The following PRELID2 variants were observed in gnomAD, a reference collection of about 807,000 sequenced individuals.
PRELID2 encodes PRELI domain-containing protein 2.
A neutral mutation model predicts 28.4 loss-of-function variants in PRELID2; 25 were observed. The observed-to-expected ratio is 0.88, with a 90% CI of 0.64 to 1.23. The LOEUF (loss-of-function observed/expected upper bound fraction) is 1.23. Among genes scored for constraint, PRELID2 ranks in the 50% most tolerant of loss-of-function variants. PRELID2 has a pLI of 0.00. For synonymous variants in PRELID2, 76 were observed against 71.6 expected (o/e 1.06, Z -0.31); for missense variants, 201 against 214.4 (o/e 0.94, Z 0.39).
the PRELID2 span, among the ~76,000 whole-genome samples, chr5:145,340,995 G>A: frequency 6.6e-6 from 1 of 151,518 alleles, no homozygotes; most frequent in Admixed American, 6.6e-5. Context: ...TAACACTGAG[G>A]CTGTTGACAG....
intron 4 of PRELID2, among the ~76,000 whole-genome samples, chr5:145,803,735 TAA>T (rs11368542): frequency 4.5e-5 from 6 of 134,696 alleles, no homozygotes; most frequent in Admixed American, 7.4e-5. Flanking sequence ...CAATTTAAAG[TAA>T]AAAAAAAAAA....
the PRELID2 span, among the ~76,000 whole-genome samples, chr5:145,401,008 C>T: frequency 6.6e-6 from 1 of 152,084 alleles, no homozygotes; most frequent in Non-Finnish European, 1.5e-5. Flanking sequence ...CAGCCTCCCT[C>T]CCACCACTTA....
the PRELID2 span, among the ~76,000 whole-genome samples, chr5:145,252,330 T>C: frequency 6.6e-6 from 1 of 152,112 alleles, no homozygotes; most frequent in Non-Finnish European, 1.5e-5. Context: ...AAATAACAAA[T>C]ATTCCAGGTA....
chr5:145,528,297 T>C (rs2126657973), intron 1 of PRELID2, among the ~76,000 whole-genome samples: 1 of 152,304 alleles, frequency 6.6e-6, no homozygotes, highest in Non-Finnish European at 1.5e-5. Flanking sequence ...TTGATTTTGC[T>C]CTTCGTAGTA....
At chr5:145,473,439 T>G (rs1752071306) in intron 1 of PRELID2, 1 of 152,190 alleles carries the variant, frequency 6.6e-6, no homozygotes, top group African/African-American at 2.4e-5. Context: ...CATCATCTTA[T>G]TATTATACGG....
intron 1 of PRELID2, among the ~76,000 whole-genome samples, chr5:145,499,701 C>G (rs1752341338): frequency 6.6e-6 from 1 of 152,186 alleles, no homozygotes; most frequent in Non-Finnish European, 1.5e-5. Context: ...TGCAAGGGAT[C>G]ATCAAGTACC....
intron 1 of PRELID2, among the ~76,000 whole-genome samples, chr5:145,681,069 G>A (rs73302027): frequency 0.062 from 9,373 of 152,248 alleles, 906 homozygotes; most frequent in African/African-American, 0.21. Flanking sequence ...TGCTTCGGCA[G>A]TGGCCTCTTC....
intron 1 of PRELID2, among the ~76,000 whole-genome samples, chr5:145,484,135 T>C (rs1435594067): frequency 6.6e-6 from 1 of 152,204 alleles, no homozygotes; most frequent in African/African-American, 2.4e-5. Flanking sequence ...ATTCTCGGAA[T>C]TCAGAGGCAG....
intron 1 of PRELID2, among the ~76,000 whole-genome samples, chr5:145,587,040 C>A (rs1002692997): frequency 6.6e-6 from 1 of 152,088 alleles, no homozygotes; most frequent in African/African-American, 2.4e-5. Context: ...TGCCAAGAGT[C>A]TATCTGGCCT....
intron 4 of PRELID2, among the ~76,000 whole-genome samples, chr5:145,814,579 G>T (rs1202912117): frequency 6.6e-6 from 1 of 152,148 alleles, no homozygotes; most frequent in African/African-American, 2.4e-5. Flanking sequence ...GAGCAGTAAT[G>T]ATCTGGACAA....
At chr5:145,649,427 A>G (rs551506188) in intron 1 of PRELID2, among the ~76,000 whole-genome samples, 1 of 152,322 alleles carries the variant, frequency 6.6e-6, no homozygotes, top group East Asian at 1.9e-4. Flanking sequence ...AGCTAATGTT[A>G]AGTGTTCTAA....
At chr5:145,414,507 G>C in the PRELID2 span, among the ~76,000 whole-genome samples, 9 of 152,152 alleles carry the variant, frequency 5.9e-5, no homozygotes. Flanking sequence ...CTCAGTCTGT[G>C]AAGACAGAAC....
chr5:145,506,337 G>A (rs945408206), intron 1 of PRELID2, among the ~76,000 whole-genome samples: 3 of 152,140 alleles, frequency 2.0e-5, no homozygotes, highest in South Asian at 2.1e-4. Flanking sequence ...ACCACTCCCC[G>A]AATGAGTAGC....
At chr5:145,618,286 C>G (rs903296123) in intron 1 of PRELID2, among the ~76,000 whole-genome samples, 1 of 152,142 alleles carries the variant, frequency 6.6e-6, no homozygotes, top group African/African-American at 2.4e-5. Context: ...AGTTGGTTTT[C>G]TGGTTCCTTC....
the PRELID2 span, among the ~76,000 whole-genome samples, chr5:145,371,680 G>A: frequency 6.6e-6 from 1 of 151,856 alleles, no homozygotes; most frequent in Non-Finnish European, 1.5e-5. Flanking sequence ...AGTTTCAGAA[G>A]GAATGGTACC....
the PRELID2 span, among the ~76,000 whole-genome samples, chr5:145,352,462 C>A: frequency 6.6e-6 from 1 of 152,128 alleles, no homozygotes; most frequent in Non-Finnish European, 1.5e-5. Flanking sequence ...ACACAGGACA[C>A]CATGTCCCGA....
the PRELID2 span, among the ~76,000 whole-genome samples, chr5:145,307,642 C>T: frequency 2.9e-4 from 44 of 152,052 alleles, no homozygotes; most frequent in Non-Finnish European, 4.9e-4. Context: ...CATTTGAGGT[C>T]GAGTATTCAG....
chr5:145,484,119 T>TAGAGC (rs1179786714), intron 1 of PRELID2, among the ~76,000 whole-genome samples: 22 of 152,196 alleles, frequency 1.4e-4, no homozygotes, highest in African/African-American at 5.3e-4. Flanking sequence ...AAGGAATCAG[T>TAGAGC]AGAGCATTCT....
intron 1 of PRELID2, among the ~76,000 whole-genome samples, chr5:145,592,235 C>T (rs1417620139): frequency 1.3e-5 from 2 of 151,740 alleles, no homozygotes; most frequent in Non-Finnish European, 2.9e-5. Context: ...GCCAATATGG[C>T]GAAACCCCGT....
Sources: allele counts gnomAD v4.1 joint callset (sites outside exome capture counted in the v4.1 genomes callset), GRCh38; gene constraint gnomAD v4.1.1; transcripts MANE v1.5; gene names NCBI Gene and HGNC (gene_info 2026-07-23, HGNC 2026-07-21).